The following MPRIP variants were observed in gnomAD, a reference collection of about 807,000 sequenced individuals.
The protein encoded by MPRIP is myosin phosphatase Rho interacting protein.
Under a neutral mutation model 234.9 loss-of-function variants are expected in MPRIP, and 59 were observed. The observed-to-expected ratio is 0.25, with a 90% CI of 0.20 to 0.31. The LOEUF (loss-of-function observed/expected upper bound fraction) is 0.31, where lower values mean the gene tolerates loss of function less well. Ranked by LOEUF, MPRIP falls within the 10% of genes least tolerant of loss-of-function variation. The probability of loss-of-function intolerance (pLI) is 1.00; values close to 1 mark genes in which losing one functional copy is unlikely to be tolerated. For synonymous variants in MPRIP, 1,144 were observed against 1,263.9 expected (o/e 0.91, Z 2.01); for missense variants, 2,436 against 3,071.0 (o/e 0.79, Z 4.89).
chr17:17,073,485 T>G (rs911717306), intron 1 of MPRIP, among the ~76,000 whole-genome samples: 1 of 152,118 alleles, frequency 6.6e-6, no homozygotes, highest in Non-Finnish European at 1.5e-5. Context: ...TGTAGCTGAT[T>G]ATGTGATGAC....
intron 11 of MPRIP, among the ~76,000 whole-genome samples, chr17:17,149,512 G>A (rs891613930): frequency 4.6e-5 from 7 of 151,438 alleles, no homozygotes; most frequent in Admixed American, 6.6e-5. Context: ...AAAAACTTCC[G>A]TATTGAACAG....
At chr17:17,159,152 C>T in intron 14 of MPRIP, 150 bp downstream of exon 14, 1 of 797,322 alleles carries the variant, frequency 1.3e-6, no homozygotes, top group Non-Finnish European at 2.0e-6. Context: ...ATAGATGAGT[C>T]CTCATAGTTG....
intron 16 of MPRIP, chr17:17,170,929 G>A (rs1452058511): frequency 6.6e-6 from 1 of 152,196 alleles, no homozygotes; most frequent in Non-Finnish European, 1.5e-5. Flanking sequence ...GCTCTAGGGA[G>A]GCACAGGAGA....
At chr17:17,087,954 G>A (rs1334150029) in intron 3 of MPRIP, among the ~76,000 whole-genome samples, 3 of 152,172 alleles carry the variant, frequency 2.0e-5, no homozygotes, top group Non-Finnish European at 4.4e-5. Context: ...GTGAGTCAAG[G>A]ACACAAAATG....
At chr17:17,044,237 C>T (rs958875038) in intron 1 of MPRIP, among the ~76,000 whole-genome samples, 2 of 152,214 alleles carry the variant, frequency 1.3e-5, no homozygotes, top group African/African-American at 4.8e-5. Context: ...TAAGGACGGT[C>T]AGCTTGGGAC....
intron 7 of MPRIP, among the ~76,000 whole-genome samples, chr17:17,139,384 C>G (rs150244985): frequency 6.6e-6 from 1 of 152,342 alleles, no homozygotes; most frequent in East Asian, 1.9e-4. Context: ...CTCAATAAAA[C>G]AATTTCACAG....
chr17:17,137,955 G>A lies in MPRIP; in HGVS notation c.776G>A (p.Arg259His), dbSNP rs752065406. The A allele has an allele frequency of 9.9e-6, 16 of 1,611,484 alleles. No homozygotes were observed. The highest frequency in any genetic ancestry group is 5.3e-5 in the African/African-American group (4 of 74,772). Residue 259 changes from arginine (R) to histidine (H), a missense_variant, in exon 7 of 24, where the codon CGC (arginine) becomes CAC (histidine). Around this residue, in one of 4 missense-constraint regions of MPRIP, gnomAD observed 267 missense variants for 252.7 expected, o/e 1.06. Coordinates refer to ENST00000651222, the MANE Select transcript of MPRIP (RefSeq NM_001364716.4). ...AGTAGCGACCGCATGGACTGTGGCC[G>A]CAAAGTCCGGGTGGAGAGCGGCTAC... ...AMSSDRMDCG[R>H]KVRVESGYFS...
At chr17:17,132,792 G>A (rs1014523053) in intron 5 of MPRIP, among the ~76,000 whole-genome samples, 2 of 152,242 alleles carry the variant, frequency 1.3e-5, no homozygotes, top group African/African-American at 4.8e-5. Context: ...CGCTGGAAAG[G>A]AGATGTCGCT....
chr17:17,104,194 T>G (rs2090018150), intron 3 of MPRIP, among the ~76,000 whole-genome samples: 1 of 152,230 alleles, frequency 6.6e-6, no homozygotes. Context: ...TGAGGAAAAC[T>G]GAGGCCTAGA....
At chr17:17,137,868 G>C (rs767221138) in intron 6 of MPRIP, 48 bp from the exon 7 acceptor site, 1 of 1,502,332 alleles carries the variant, frequency 6.7e-7, no homozygotes, top group Non-Finnish European at 8.9e-7. Context: ...TCAAAGCAAA[G>C]CTGCCAGCAG....
intron 3 of MPRIP, among the ~76,000 whole-genome samples, chr17:17,112,971 G>C (rs1181686952): frequency 2.6e-5 from 4 of 152,202 alleles, no homozygotes; most frequent in Admixed American, 2.0e-4. Context: ...GTTTCCCAGC[G>C]GTCCTCCGAG....
rs138322130 is a variant in MPRIP, at chr17:17,159,010, C to T, written c.2400+8C>T. On this transcript the variant is annotated splice_region_variant and intron_variant, in intron 14 of 23. Transcript: ENST00000651222. ...TCTCTGCTCGAGAAGGAGGTAATAG[C>T]CTGGGACCAGATCCCCACCCTGCTC... 3.7e-5 allele frequency: 59 copies of T among 1,605,604 alleles called. No homozygotes were observed. The highest frequency in any genetic ancestry group is 5.3e-5 in the African/African-American group (4 of 74,930).
intron 8 of MPRIP, 115 bp downstream of exon 8, chr17:17,142,880 C>T (rs1464099302): frequency 7.0e-6 from 8 of 1,140,464 alleles, no homozygotes; most frequent in Non-Finnish European, 9.9e-6. Flanking sequence ...CCAGGCTTCT[C>T]TCCAACCACC....
At chr17:17,065,027 A>G (rs62064379) in intron 1 of MPRIP, among the ~76,000 whole-genome samples, 2,152 of 152,274 alleles carry the variant, frequency 0.014, 32 homozygotes, top group Non-Finnish European at 0.022. Flanking sequence ...TTTAGCCATT[A>G]TAAAATAAGA....
At chr17:17,113,950 T>C (rs2090228618) in intron 3 of MPRIP, among the ~76,000 whole-genome samples, 1 of 147,340 alleles carries the variant, frequency 6.8e-6, no homozygotes, top group African/African-American at 2.5e-5. Context: ...TGGAGTGCAG[T>C]GGTGCCATCA....
intron 1 of MPRIP, among the ~76,000 whole-genome samples, chr17:17,060,192 T>C (rs1567687457): frequency 6.6e-6 from 1 of 152,118 alleles, no homozygotes; most frequent in African/African-American, 2.4e-5. Context: ...GCTGTAGGGC[T>C]CTTCCTTCCA....
chr17:17,168,723 GTGCCCTTATGTTCCTTCCACTCAGGAAGC>G, intron 16 of MPRIP: 1 of 388,546 alleles, frequency 2.6e-6, no homozygotes, highest in Non-Finnish European at 5.2e-6. Flanking sequence ...CATGATACCT[GTGCCCTTATGTTCCTTCCACTCAGGAAGC>G]TGCCCCAGTA....
At position 17,190,293 on chromosome 17, in the gene MPRIP, T is replaced by G. The variant is rs969051403; in HGVS notation, c.*5399T>G. The G allele has an allele frequency of 2.6e-5, 4 of 152,276 alleles. No individual in the cohort carries two copies. The highest frequency in any genetic ancestry group is 9.6e-5 in the African/African-American group (4 of 41,476). 9.4% of individuals were successfully genotyped at this position (152,276 alleles called of 1,614,324 possible). A position where few individuals can be genotyped will look rare whatever the true frequency, so the allele number is the denominator to read the frequency against. On this transcript the variant is annotated 3_prime_UTR_variant, in exon 24 of 24. Coordinates refer to ENST00000651222, the MANE Select transcript of MPRIP (RefSeq NM_001364716.4). ...TGCCAAGCAACAGAACGTTCTGAGATGGCCGTTCTTCCTTGCACAGCAGCT... is the reference window on the plus strand; with the variant it reads ...TGCCAAGCAACAGAACGTTCTGAGAGGGCCGTTCTTCCTTGCACAGCAGCT...
At chr17:17,065,350 A>G (rs2088989615) in intron 1 of MPRIP, among the ~76,000 whole-genome samples, 1 of 145,500 alleles carries the variant, frequency 6.9e-6, no homozygotes, top group African/African-American at 2.5e-5. Flanking sequence ...TGTTTTTTGT[A>G]TAACACTACT....
Sources: gnomAD v4.1 joint callset for allele counts (sites outside exome capture counted in the v4.1 genomes callset) on GRCh38, gnomAD v4.1.1 for gene constraint, gnomAD v4.1.1 regional missense constraint, MANE v1.5 for transcripts, NCBI Gene and HGNC (gene_info 2026-07-23, HGNC 2026-07-21) for gene names.